Variants in PDZRN4 observed in about 807,000 individuals in gnomAD.
PDZRN4 encodes PDZ domain containing ring finger 4, also known as PDZ domain-containing RING finger protein 4.
In PDZRN4, 70 loss-of-function variants were observed where a neutral mutation model predicts 99.0. The observed-to-expected ratio is 0.71, with a 90% CI of 0.58 to 0.86. The LOEUF (loss-of-function observed/expected upper bound fraction) is 0.86. PDZRN4 is among the 40% of genes least tolerant of loss of function. The pLI is 0.00. For missense variants in PDZRN4, 1,474 were observed against 1,331.2 expected, an observed-to-expected ratio of 1.11 and a Z score of -1.67; for synonymous variants, 551 against 501.6, an observed-to-expected ratio of 1.10 and a Z score of -1.32.
chr12:41,514,869 G>C (rs1938374012), intron 5 of PDZRN4, among the ~76,000 whole-genome samples: 1 of 151,896 alleles, frequency 6.6e-6, no homozygotes, highest in Admixed American at 6.6e-5. Flanking sequence ...GGGCAAAGAG[G>C]GTGAAAAATA....
intron 3 of PDZRN4, among the ~76,000 whole-genome samples, chr12:41,478,802 T>A (rs894691784): frequency 1.1e-4 from 16 of 152,054 alleles, no homozygotes; most frequent in Non-Finnish European, 1.9e-4. Context: ...CTGTTCCTGA[T>A]ATCCAGGGAG....
chr12:41,499,449 A>G lies in PDZRN4; in HGVS notation c.844-7007A>G, dbSNP rs952302508. 9.9e-5 allele frequency among the ~76,000 whole-genome samples: 15 copies of G among 152,208 alleles called. No individual in the cohort carries two copies. In the South Asian group the frequency reaches 2.9e-3, roughly 29 times the overall value. ...TCAGTAAGAATCAGAACATACCATA[A>G]CACGTTTCTTAATTATAGGAATAAT... On this transcript the variant is annotated intron_variant, in intron 3 of 9. Coordinates refer to ENST00000402685, the MANE Select transcript of PDZRN4 (RefSeq NM_001164595.2).
At chr12:41,531,377 G>A (rs1323853980) in intron 5 of PDZRN4, among the ~76,000 whole-genome samples, 1 of 152,110 alleles carries the variant, frequency 6.6e-6, no homozygotes, top group Non-Finnish European at 1.5e-5. Context: ...TGCTTACAAC[G>A]TCCTCTCCAA....
intron 8 of PDZRN4, among the ~76,000 whole-genome samples, chr12:41,566,259 A>C (rs10506197): frequency 0.14 from 20,885 of 152,164 alleles, 1,568 homozygotes; most frequent in South Asian, 0.28. Flanking sequence ...TCATCATTCA[A>C]TATATCAGTG....
At chr12:41,236,328 A>T (rs1196298820) in intron 3 of PDZRN4, among the ~76,000 whole-genome samples, 3 of 152,116 alleles carry the variant, frequency 2.0e-5, no homozygotes, top group Non-Finnish European at 4.4e-5. Context: ...ACAGAGTGAG[A>T]CATAGCAGAA....
At chr12:41,246,604 G>T (rs1432006859) in intron 3 of PDZRN4, among the ~76,000 whole-genome samples, 2 of 152,132 alleles carry the variant, frequency 1.3e-5, no homozygotes, top group Non-Finnish European at 2.9e-5. Context: ...GAGGTAACAA[G>T]TTCCTGGCAT....
intron 9 of PDZRN4, among the ~76,000 whole-genome samples, chr12:41,568,261 T>C (rs1045934675): frequency 6.6e-6 from 1 of 152,188 alleles, no homozygotes; most frequent in Non-Finnish European, 1.5e-5. Flanking sequence ...TAAGTAATTT[T>C]TTTTACTCTA....
chr12:41,354,499 G>A (rs981608485), intron 3 of PDZRN4, among the ~76,000 whole-genome samples: 1 of 151,140 alleles, frequency 6.6e-6, no homozygotes, highest in Admixed American at 6.6e-5. Context: ...AAAAAAAAAA[G>A]GACAGAAACA....
chr12:41,408,885 T>C (rs929204740), intron 3 of PDZRN4, among the ~76,000 whole-genome samples: 1 of 151,790 alleles, frequency 6.6e-6, no homozygotes, highest in Admixed American at 6.6e-5. Context: ...TTATTACTCT[T>C]GGGGCCAGAA....
intron 3 of PDZRN4, among the ~76,000 whole-genome samples, chr12:41,205,503 T>C (rs1950842936): frequency 6.6e-6 from 1 of 151,952 alleles, no homozygotes; most frequent in African/African-American, 2.4e-5. Flanking sequence ...TACACTGGCT[T>C]TCTCTTTCAG....
intron 3 of PDZRN4, among the ~76,000 whole-genome samples, chr12:41,273,940 C>T (rs919778751): frequency 6.6e-6 from 1 of 152,128 alleles, no homozygotes; most frequent in Non-Finnish European, 1.5e-5. Context: ...GATCTAAAGT[C>T]CTTGAATGCA....
intron 3 of PDZRN4, among the ~76,000 whole-genome samples, chr12:41,314,465 A>G (rs1436082661): frequency 5.9e-5 from 9 of 152,230 alleles, no homozygotes; most frequent in Admixed American, 4.6e-4. Flanking sequence ...AGTACAATTT[A>G]CAGATGTAGA....
Position 41,380,722 on chromosome 12 carries a change from TTTG to T in PDZRN4, c.844-125731_844-125729del, listed in dbSNP as rs1443054803. Among the ~76,000 whole-genome samples the T allele has an allele frequency of 3.9e-5, 6 of 152,220 alleles. No individual in the cohort carries two copies. The South Asian group carries it at 1.2e-3, about 32-fold the overall frequency. On this transcript the variant is annotated intron_variant, in intron 3 of 9. Coordinates refer to ENST00000402685, the MANE Select transcript of PDZRN4 (RefSeq NM_001164595.2). ...TATAATTATCGTTATTTTTAATACATTTGTTTTTTACCTTTTATACCAAAGTTG... is the reference window on the plus strand; with the variant it reads ...TATAATTATCGTTATTTTTAATACATTTTTTTACCTTTTATACCAAAGTTG...
chr12:41,403,004 C>A (rs1952315237), intron 3 of PDZRN4, among the ~76,000 whole-genome samples: 1 of 151,950 alleles, frequency 6.6e-6, no homozygotes, highest in African/African-American at 2.4e-5. Flanking sequence ...CTTAATAATT[C>A]AAGCCAGATT....
intron 3 of PDZRN4, among the ~76,000 whole-genome samples, chr12:41,484,431 C>T (rs1937735679): frequency 2.0e-5 from 3 of 152,140 alleles, no homozygotes; most frequent in African/African-American, 7.2e-5. Context: ...CAAATCCTGA[C>T]TGTTCCTGAG....
chr12:41,573,940 T>A lies in PDZRN4; in HGVS notation c.*50T>A, dbSNP rs760545395. The A allele has an allele frequency of 7.6e-7, 1 of 1,315,706 alleles. No individual in the cohort carries two copies. The highest frequency in any genetic ancestry group is 1.0e-6 in the Non-Finnish European group (1 of 961,370). The allele number at this position is 1,315,706 out of a possible 1,614,324, so 81.5% of individuals were successfully genotyped here. The stretch of plus-strand genomic sequence containing the variant: ...TGATTTTAGGAGGATGCTACCAGTT[T>A]CGGTAGAGTATGATTGCCTCGTTCA... On this transcript the variant is annotated 3_prime_UTR_variant, in exon 10 of 10. Transcript: ENST00000402685.
At chr12:41,317,341 G>C (rs1423396362) in intron 3 of PDZRN4, among the ~76,000 whole-genome samples, 1 of 151,938 alleles carries the variant, frequency 6.6e-6, no homozygotes, top group Non-Finnish European at 1.5e-5. Flanking sequence ...TCTGAAGGTA[G>C]AGTTGTGTCT....
chr12:41,573,180 G>C lies in PDZRN4; in HGVS notation c.2401G>C (p.Gly801Arg). ...TSTKAKTTEQ[G>R]CSAESKEKVL... ...CACCAAAGCCAAAACCACTGAGCAA[G>C]GTTGTAGCGCTGAAAGCAAGGAGAA... Residue 801 changes from glycine (G) to arginine (R), a missense_variant, in exon 10 of 10, where the codon GGT becomes CGT. Physicochemically the swap from Gly to Arg is moderately radical, Grantham distance 125. Transcript: ENST00000402685. The C allele has an allele frequency of 6.2e-7, 1 of 1,614,126 alleles. No individual in the cohort carries two copies. Among genetic ancestry groups the C allele is most frequent in the Non-Finnish European group, 8.5e-7 (1 of 1,180,028 alleles).
chr12:41,475,351 G>T (rs772992201), intron 3 of PDZRN4, among the ~76,000 whole-genome samples: 15 of 152,118 alleles, frequency 9.9e-5, no homozygotes, highest in Non-Finnish European at 2.2e-4. Context: ...GAAATTTGCA[G>T]CCTGTAAAAT....
Sources: allele counts gnomAD v4.1 joint callset (sites outside exome capture counted in the v4.1 genomes callset), GRCh38; gene constraint gnomAD v4.1.1; transcripts MANE v1.5; gene names NCBI Gene and HGNC (gene_info 2026-07-23, HGNC 2026-07-21).